CCNB3: variants seen among roughly 807,000 people sequenced by gnomAD.
The protein encoded by CCNB3 is cyclin B3.
CCNB3 carries 12 observed loss-of-function variants against 68.0 expected under a neutral mutation model. The observed-to-expected ratio is 0.18, with a 90% CI of 0.11 to 0.29. The LOEUF (loss-of-function observed/expected upper bound fraction) is 0.29, where lower values mean the gene tolerates loss of function less well. Among genes scored for constraint, CCNB3 ranks in the 10% least tolerant of loss-of-function variants. CCNB3 has a pLI of 1.00. For missense variants in CCNB3, 904 were observed against 993.1 expected, an observed-to-expected ratio of 0.91 and a Z score of 1.21; for synonymous variants, 354 against 388.9, an observed-to-expected ratio of 0.91 and a Z score of 1.06.
chrX:50,317,549 A>ATGTATGTATGTATGTATGTG (rs1557215948), intron 8 of CCNB3, among the ~76,000 whole-genome samples: 1 of 104,206 alleles, frequency 9.6e-6, no homozygotes, highest in African/African-American at 3.7e-5. Context: ...AAATTTATGT[A>ATGTATGTATGTATGTATGTG]TGTATGTATG....
At chrX:50,345,502 C>T (rs1923358205) in intron 9 of CCNB3, among the ~76,000 whole-genome samples, 1 of 110,128 alleles carries the variant, frequency 9.1e-6, no homozygotes, top group East Asian at 2.9e-4. Context: ...TTCTTCCCTC[C>T]CAGGCTCTGT....
Position 50,285,268 on chromosome X carries a change from A to G in CCNB3, c.96+9A>G, listed in dbSNP as rs1396859456. On this transcript the variant is annotated intron_variant, in intron 3 of 12. Coordinates refer to ENST00000376042, the MANE Select transcript of CCNB3 (RefSeq NM_033031.3). Reference sequence around the variant, plus strand: ...ATGACCCATCTGAAAAGGTTAGAGCAAGCTGTCTTTCCCAACAATATCTTT... The same window carrying G: ...ATGACCCATCTGAAAAGGTTAGAGCGAGCTGTCTTTCCCAACAATATCTTT... 1 of 1,169,170 alleles carries G rather than the reference A, an allele frequency of 8.6e-7. No individual in the cohort carries two copies. Among genetic ancestry groups the G allele is most frequent in the East Asian group, 3.0e-5 (1 of 33,657 alleles).
At chrX:50,215,558 T>C (rs1360620674) in intron 1 of CCNB3, among the ~76,000 whole-genome samples, 2 of 110,579 alleles carry the variant, frequency 1.8e-5, no homozygotes, top group African/African-American at 6.6e-5. Context: ...TGATTTTTTA[T>C]CTAGCTGATT....
chrX:50,213,709 G>A (rs1485359419), intron 1 of CCNB3, among the ~76,000 whole-genome samples: 1 of 111,443 alleles, frequency 9.0e-6, no homozygotes, highest in Non-Finnish European at 1.9e-5. Context: ...TTCAAATGAT[G>A]TATTTCCTAT....
chrX:50,324,346 C>G (rs890376752), intron 8 of CCNB3, among the ~76,000 whole-genome samples: 5 of 111,896 alleles, frequency 4.5e-5, no homozygotes, highest in Admixed American at 2.8e-4. Flanking sequence ...TGTGCCTGGC[C>G]TTGTAGTTTA....
intron 3 of CCNB3, among the ~76,000 whole-genome samples, chrX:50,286,410 C>T (rs1230626938): frequency 9.0e-6 from 1 of 110,518 alleles, no homozygotes; most frequent in African/African-American, 3.3e-5. Context: ...AAGCAATTCC[C>T]TGCCTTAGCA....
chrX:50,282,910 G>A (rs912694612), intron 1 of CCNB3, among the ~76,000 whole-genome samples: 3 of 110,750 alleles, frequency 2.7e-5, no homozygotes, highest in African/African-American at 6.6e-5. Context: ...ATTATGAGGC[G>A]TAAATAATAA....
chrX:50,297,539 A>G (rs1936502407), intron 5 of CCNB3, among the ~76,000 whole-genome samples: 1 of 112,045 alleles, frequency 8.9e-6, no homozygotes, highest in Non-Finnish European at 1.9e-5. Context: ...ATAGCCTTGT[A>G]GTATAGTTTG....
At position 50,342,160 on chromosome X, in the gene CCNB3, C is replaced by A. The variant is rs145542906; in HGVS notation, c.3517-42C>A. 5.5e-5 allele frequency: 66 copies of A among 1,205,536 alleles called. No homozygotes were observed. The African/African-American group carries it at 6.9e-4, about 13-fold the overall frequency. On this transcript the variant is annotated intron_variant, in intron 8 of 12. Coordinates refer to ENST00000376042, the MANE Select transcript of CCNB3 (RefSeq NM_033031.3). ...GATCTGTCTGGAGGCGACTTTGGAGCTGGACAATATGCAGATCTGTGTCGT... is the reference window on the plus strand; with the variant it reads ...GATCTGTCTGGAGGCGACTTTGGAGATGGACAATATGCAGATCTGTGTCGT...
At chrX:50,226,818 A>G (rs1308876461) in intron 1 of CCNB3, among the ~76,000 whole-genome samples, 1 of 79,076 alleles carries the variant, frequency 1.3e-5, no homozygotes, top group Non-Finnish European at 2.2e-5. Context: ...GAGTATATAT[A>G]AATATATACA....
chrX:50,346,600 GA>G, intron 9 of CCNB3, 51 bp from the exon 10 acceptor site: 1 of 1,155,188 alleles, frequency 8.7e-7, no homozygotes, highest in Non-Finnish European at 1.2e-6. Flanking sequence ...CCTCTAAGCA[GA>G]AAGGTTGGGT....
In CCNB3 at chrX:50,330,212, G is replaced by A. The variant is rs1323314526; in HGVS notation, c.3517-11990G>A. Among the ~76,000 whole-genome samples the A allele has an allele frequency of 2.7e-5, 3 of 111,715 alleles. No individual in the cohort carries two copies. The East Asian group carries it at 8.5e-4, about 32-fold the overall frequency. On this transcript the variant is annotated intron_variant, in intron 8 of 12. Transcript: ENST00000376042. ...AGCAAGCAGTGGGTACATGACTTGG[G>A]GCTGCATACACCAGTAATCAGAATG...
intron 3 of CCNB3, among the ~76,000 whole-genome samples, chrX:50,287,122 C>T (rs1311366769): frequency 4.5e-5 from 5 of 111,655 alleles, no homozygotes; most frequent in South Asian, 7.5e-4. Context: ...ACAGGTAGGG[C>T]GGGTTTGTTT....
chrX:50,322,613 A>G (rs1340622534), intron 8 of CCNB3, among the ~76,000 whole-genome samples: 4 of 112,131 alleles, frequency 3.6e-5, no homozygotes, highest in Admixed American at 1.9e-4. Flanking sequence ...AGCAAAAGAA[A>G]CTACCATCAG....
chrX:50,312,419 C>A, intron 6 of CCNB3, 118 bp from the exon 7 acceptor site: 1 of 595,095 alleles, frequency 1.7e-6, no homozygotes, highest in Non-Finnish European at 2.8e-6. Context: ...ATATACAAGG[C>A]TTGAGACACC....
At chrX:50,341,668 A>G (rs1923154199) in intron 8 of CCNB3, 1 of 111,596 alleles carries the variant, frequency 9.0e-6, no homozygotes, top group African/African-American at 3.3e-5. Context: ...AAAGAAGGGA[A>G]GGAGGTTATA....
chrX:50,225,858 T>A (rs1478441899), intron 1 of CCNB3, among the ~76,000 whole-genome samples: 1 of 105,124 alleles, frequency 9.5e-6, no homozygotes, highest in Non-Finnish European at 1.9e-5. Flanking sequence ...AGTGGAGATG[T>A]GGAGTAGTAA....
intron 1 of CCNB3, among the ~76,000 whole-genome samples, chrX:50,228,770 G>C (rs1341509954): frequency 1.9e-5 from 1 of 52,719 alleles, no homozygotes; most frequent in South Asian, 9.3e-4. Context: ...TATATATATA[G>C]AATACATATA....
chrX:50,295,846 T>G (rs941628108), intron 5 of CCNB3, among the ~76,000 whole-genome samples: 1 of 111,312 alleles, frequency 9.0e-6, no homozygotes, highest in Non-Finnish European at 1.9e-5. Flanking sequence ...TGTGATTGGT[T>G]GGTGCGGTGC....
Sources: gnomAD v4.1 joint callset for allele counts (sites outside exome capture counted in the v4.1 genomes callset) on GRCh38, gnomAD v4.1.1 for gene constraint, MANE v1.5 for transcripts, NCBI Gene and HGNC (gene_info 2026-07-23, HGNC 2026-07-21) for gene names.